The following ASCC3 variants were observed in gnomAD, a reference collection of about 807,000 sequenced individuals.
ASCC3 encodes activating signal cointegrator 1 complex subunit 3, also known as ASC-1 complex subunit P200.
In ASCC3, 158 loss-of-function variants were observed where a neutral mutation model predicts 256.3. The observed-to-expected ratio is 0.62, with a 90% CI of 0.54 to 0.70. The LOEUF (loss-of-function observed/expected upper bound fraction) is 0.70, where lower values mean the gene tolerates loss of function less well. Ranked by LOEUF, ASCC3 falls within the 30% of genes least tolerant of loss-of-function variation. The probability of loss-of-function intolerance (pLI) is 0.00; values close to 1 mark genes in which losing one functional copy is unlikely to be tolerated. For missense variants in ASCC3, 2,259 were observed against 2,626.0 expected (o/e 0.86, Z 3.05); for synonymous variants, 948 against 883.4 (o/e 1.07, Z -1.30).
chr6:100,710,253 A>G (rs1184917322), intron 13 of ASCC3, among the ~76,000 whole-genome samples: 2 of 152,196 alleles, frequency 1.3e-5, no homozygotes, highest in African/African-American at 4.8e-5. Context: ...TGGATGGAAA[A>G]ATATGCACAC....
chr6:100,549,404 G>A (rs1468126235), intron 36 of ASCC3, among the ~76,000 whole-genome samples: 1 of 151,798 alleles, frequency 6.6e-6, no homozygotes, highest in Non-Finnish European at 1.5e-5. Context: ...AGAACTATAC[G>A]CTGACACATT....
chr6:100,669,772 C>G (rs986767915), intron 14 of ASCC3, among the ~76,000 whole-genome samples: 1 of 151,704 alleles, frequency 6.6e-6, no homozygotes, highest in Middle Eastern at 3.4e-3. Flanking sequence ...AGAAATGACT[C>G]AAGTAAATAA....
At chr6:100,671,100 A>G (rs917564464) in intron 14 of ASCC3, among the ~76,000 whole-genome samples, 6 of 152,066 alleles carry the variant, frequency 3.9e-5, no homozygotes, top group African/African-American at 1.4e-4. Flanking sequence ...TTTTGTATTA[A>G]AACATATACC....
Position 100,772,024 on chromosome 6 carries a change from C to T in ASCC3, c.1396-4679G>A, listed in dbSNP as rs1208305097. ...CCTCCGGAGTAGCTGGGACTACAGG[C>T]GCCAGCCACCAGGCATGGCTAATTT... On this transcript the variant is annotated intron_variant, in intron 8 of 41. Coordinates refer to ENST00000369162, the MANE Select transcript of ASCC3 (RefSeq NM_006828.4). Among the ~76,000 whole-genome samples, 6 of 151,762 alleles carry T rather than the reference C, an allele frequency of 4.0e-5. No homozygotes were observed. The East Asian group carries it at 5.8e-4, about 15-fold the overall frequency.
intron 8 of ASCC3, among the ~76,000 whole-genome samples, chr6:100,788,034 A>G (rs1389137796): frequency 6.6e-6 from 1 of 151,968 alleles, no homozygotes; most frequent in Non-Finnish European, 1.5e-5. Flanking sequence ...TTTGTGAAAA[A>G]ACAAGTCACA....
rs147742316 is a variant in ASCC3 at position 100,711,354 on chromosome 6, G to A, written c.2151+4108C>T. On this transcript the variant is annotated intron_variant, in intron 13 of 41. Coordinates refer to ENST00000369162, the MANE Select transcript of ASCC3 (RefSeq NM_006828.4). ...ATTAAAAAGATAAAATATCTACTAT[G>A]TGTCCCACAGTAAAGTATTTATATT... Among the ~76,000 whole-genome samples the A allele has an allele frequency of 2.8e-4, 43 of 152,146 alleles. 1 individual carries two copies. The highest frequency in any genetic ancestry group is 5.6e-4 in the Non-Finnish European group (38 of 68,032).
chr6:100,525,443 G>C (rs941928221), intron 37 of ASCC3, among the ~76,000 whole-genome samples: 1 of 151,976 alleles, frequency 6.6e-6, no homozygotes, highest in Admixed American at 6.6e-5. Flanking sequence ...TCAGAGCCAA[G>C]AGGAGCCGGA....
intron 34 of ASCC3, among the ~76,000 whole-genome samples, chr6:100,595,929 T>C (rs1490760938): frequency 6.6e-6 from 1 of 152,180 alleles, no homozygotes; most frequent in Non-Finnish European, 1.5e-5. Flanking sequence ...GCTATTGTTC[T>C]TTATCTAGTT....
intron 3 of ASCC3, chr6:100,859,190 G>A (rs1773105135): frequency 2.6e-6 from 2 of 779,904 alleles, no homozygotes; most frequent in Non-Finnish European, 4.8e-6. Context: ...CTTCTGGAAT[G>A]GACAATTCAC....
At chr6:100,691,520 A>G (rs1328685034) in intron 13 of ASCC3, among the ~76,000 whole-genome samples, 1 of 151,996 alleles carries the variant, frequency 6.6e-6, no homozygotes, top group Non-Finnish European at 1.5e-5. Context: ...ACTTATATTT[A>G]TAAACATGAA....
chr6:100,666,690 C>T (rs761798789), intron 14 of ASCC3, among the ~76,000 whole-genome samples: 7 of 152,088 alleles, frequency 4.6e-5, no homozygotes, highest in Non-Finnish European at 1.0e-4. Context: ...AGGATATTTG[C>T]AATGATGTTT....
intron 5 of ASCC3, among the ~76,000 whole-genome samples, chr6:100,804,296 A>C (rs1213630210): frequency 6.6e-6 from 1 of 152,146 alleles, no homozygotes; most frequent in Admixed American, 6.6e-5. Flanking sequence ...AATCTATGTG[A>C]AGGGTAAACA....
chr6:100,525,531 T>G (rs1774539844), intron 37 of ASCC3, among the ~76,000 whole-genome samples: 1 of 152,036 alleles, frequency 6.6e-6, no homozygotes, highest in Non-Finnish European at 1.5e-5. Flanking sequence ...CATCACACAT[T>G]GTATACCTGT....
intron 36 of ASCC3, among the ~76,000 whole-genome samples, chr6:100,575,286 T>C (rs1770798740): frequency 6.6e-6 from 1 of 152,128 alleles, no homozygotes; most frequent in African/African-American, 2.4e-5. Flanking sequence ...GTTTTAAATT[T>C]CTCCCTTATA....
Position 100,510,057 on chromosome 6 carries a change from G to A in ASCC3, c.6336C>T (p.Asp2112=), listed in dbSNP as rs754578955. 1.5e-5 allele frequency: 24 copies of A among 1,614,034 alleles called. No individual in the cohort carries two copies. Among genetic ancestry groups the A allele is most frequent in the South Asian group, 3.3e-5 (3 of 91,074 alleles). The change falls in exon 41 of 42, where the codon GAC becomes GAT. Residue 2112 remains aspartate (D), a synonymous_variant. Coordinates refer to ENST00000369162, the MANE Select transcript of ASCC3 (RefSeq NM_006828.4). ...AVTPRFPKSK[D]EGWFLILGEV... ...CTCCTAATATCAAAAACCATCCTTCGTCTTTTGATTTGGGAAATCGAGGAG... is the reference window on the plus strand; with the variant it reads ...CTCCTAATATCAAAAACCATCCTTCATCTTTTGATTTGGGAAATCGAGGAG...
chr6:100,536,524 C>T (rs10457809), intron 37 of ASCC3, among the ~76,000 whole-genome samples: 63,074 of 152,018 alleles, frequency 0.41, 13,647 homozygotes, highest in South Asian at 0.62. Context: ...TCTTATCACC[C>T]GGGCTGGAGC....
chr6:100,511,588 T>C (rs1190587280), intron 40 of ASCC3, among the ~76,000 whole-genome samples: 3 of 151,888 alleles, frequency 2.0e-5, no homozygotes, highest in African/African-American at 7.3e-5. Flanking sequence ...AAAAATTAGT[T>C]GAGTGTAGTG....
At chr6:100,790,976 G>A (rs1188043636) in intron 8 of ASCC3, among the ~76,000 whole-genome samples, 3 of 151,822 alleles carry the variant, frequency 2.0e-5, no homozygotes, top group African/African-American at 4.8e-5. Flanking sequence ...AGAAAACATA[G>A]ACAGTATTTC....
At chr6:100,696,510 T>G (rs1420865051) in intron 13 of ASCC3, among the ~76,000 whole-genome samples, 1 of 151,998 alleles carries the variant, frequency 6.6e-6, no homozygotes, top group Non-Finnish European at 1.5e-5. Context: ...TACCAATGGC[T>G]TAAGTCCAAA....
Sources: gnomAD v4.1 joint callset for allele counts (sites outside exome capture counted in the v4.1 genomes callset) on GRCh38, gnomAD v4.1.1 for gene constraint, MANE v1.5 for transcripts, NCBI Gene and HGNC (gene_info 2026-07-23, HGNC 2026-07-21) for gene names.